The following NEIL1 variants were observed in gnomAD, a reference collection of about 807,000 sequenced individuals.
The protein encoded by NEIL1 is endonuclease 8-like 1.
Under a neutral mutation model 44.2 loss-of-function variants are expected in NEIL1, and 31 were observed. The observed-to-expected ratio is 0.70, with a 90% confidence interval of 0.53 to 0.95. The LOEUF (loss-of-function observed/expected upper bound fraction) is 0.95. Among genes scored for constraint, NEIL1 ranks in the 40% least tolerant of loss-of-function variants. The pLI is 0.00. For missense variants in NEIL1, 549 were observed against 515.5 expected (o/e 1.07, Z -0.63); for synonymous variants, 254 against 209.7 (o/e 1.21, Z -1.83).
At position 75,347,123 on chromosome 15, in the gene NEIL1, C is replaced by T. The variant is rs2141305714; in HGVS notation, c.-373C>T. The T allele has an allele frequency of 1.3e-5, 2 of 152,470 alleles. No homozygotes were observed. Among genetic ancestry groups the T allele is most frequent in the South Asian group, 4.1e-4 (2 of 4,834 alleles). 9.4% of individuals were successfully genotyped at this position (152,470 alleles called of 1,614,324 possible). A position where few individuals can be genotyped will look rare whatever the true frequency, so the allele number is the denominator to read the frequency against. On this transcript the variant is annotated 5_prime_UTR_variant, in exon 1 of 10. Coordinates refer to ENST00000355059, the MANE Select transcript of NEIL1 (RefSeq NM_024608.4). ...AGAACCATCTCAAGTGGGTCTACCT[C>T]CTCGCCTTTTTTTGTTGTTGTTGTT...
intron 2 of NEIL1, among the ~76,000 whole-genome samples, chr15:75,350,973 A>G (rs1241552271): frequency 6.6e-6 from 1 of 152,152 alleles, no homozygotes; most frequent in Non-Finnish European, 1.5e-5. Context: ...GCAAAGAAAC[A>G]AGATGCACAT....
rs5745911 is a variant in NEIL1, at chr15:75,350,038, G to A, written c.434+699G>A. ...GAATTGTTTCAAGGGGATGGGGAGGGGACTATCTCATGACATGGCTTCCGC... is the reference window on the plus strand; with the variant it reads ...GAATTGTTTCAAGGGGATGGGGAGGAGACTATCTCATGACATGGCTTCCGC... On this transcript the variant is annotated intron_variant, in intron 2 of 9. Transcript: ENST00000355059. Among the ~76,000 whole-genome samples, 15 of 152,328 alleles carry A rather than the reference G, an allele frequency of 9.8e-5. No individual in the cohort carries two copies. The East Asian group carries it at 2.5e-3, about 25-fold the overall frequency.
rs548427660 is a variant in NEIL1, at chr15:75,352,083, C to G, written c.435-28C>G. The G allele has an allele frequency of 5.6e-6, 9 of 1,613,108 alleles. No homozygotes were observed. The South Asian group carries it at 9.9e-5, about 18-fold the overall frequency. On this transcript the variant is annotated intron_variant, in intron 2 of 9. Coordinates refer to ENST00000355059, the MANE Select transcript of NEIL1 (RefSeq NM_024608.4). ...CATCCCATGGAGGGTGGGGATGGGT[C>G]TTACGCACCCAGACCGTGTTCCTCC...
In NEIL1 at chr15:75,356,491, C is replaced by A. The variant is rs377601252; in HGVS notation, c.*1457C>A. 6.4e-7 allele frequency: 1 copy of A among 1,568,728 alleles called. No homozygotes were observed. The highest frequency in any genetic ancestry group is 8.6e-7 in the Non-Finnish European group (1 of 1,158,692). ...AAACAATGCTGGTGGAGAATGGGGG[C>A]TACCCTCCCCTGTCCCTAGAAGGGG... On this transcript the variant is annotated 3_prime_UTR_variant, in exon 10 of 10. Transcript: ENST00000355059. The surrounding 1 kb of genome is among the most constrained non-coding windows in gnomAD (Gnocchi z 5.8).
In NEIL1 at chr15:75,348,978, G is replaced by A; in HGVS notation, c.73G>A (p.Gly25Ser). 6.2e-7 allele frequency: 1 copy of A among 1,613,054 alleles called. No homozygotes were observed. Among genetic ancestry groups the A allele is most frequent in the Non-Finnish European group, 8.5e-7 (1 of 1,179,498 alleles). The change falls in exon 2 of 10, where the codon GGC becomes AGC. Residue 25 changes from glycine to serine, a missense_variant. Transcript: ENST00000355059. ...NEACRALVFG[G>S]CVEKSSVSRN... ...GGCCTGCAGGGCGCTGGTGTTCGGC[G>A]GCTGCGTGGAGAAGTCCTCTGTCAG... is the stretch of plus-strand genomic sequence containing the variant.
Position 75,348,870 on chromosome 15 carries a change from T to A in NEIL1, c.-22-14T>A. 3.1e-6 allele frequency: 5 copies of A among 1,598,700 alleles called. No individual in the cohort carries two copies. The highest frequency in any genetic ancestry group is 4.3e-6 in the Non-Finnish European group (5 of 1,173,882). ...TCCACACCGGGCTCAACCCGCTGCC[T>A]TCCTCCCCAACAGGACTCTGCCACC... On this transcript the variant is annotated splice_polypyrimidine_tract_variant and intron_variant, in intron 1 of 9. Coordinates refer to ENST00000355059, the MANE Select transcript of NEIL1 (RefSeq NM_024608.4).
chr15:75,352,721 CA>C lies in NEIL1; in HGVS notation c.718+22del. 6.3e-7 allele frequency: 1 copy of C among 1,578,346 alleles called. No individual in the cohort carries two copies. Among genetic ancestry groups the C allele is most frequent in the Non-Finnish European group, 8.7e-7 (1 of 1,154,156 alleles). On this transcript the variant is annotated intron_variant, in intron 5 of 9. Coordinates refer to ENST00000355059, the MANE Select transcript of NEIL1 (RefSeq NM_024608.4). ...AGTTGGGTGAGGCCAAAGATGGCAG[CA>C]ACCTCTGCTTCAGCAAATGATTGTG...
chr15:75,348,955 C>T lies in NEIL1; in HGVS notation c.50C>T (p.Ala17Val), dbSNP rs780665919. 1 of 1,613,466 alleles carries T rather than the reference C, an allele frequency of 6.2e-7. No homozygotes were observed. Residue 17 changes from alanine (A) to valine (V), a missense_variant, in exon 2 of 10, where the codon GCC (alanine) becomes GTC (valine). By Grantham distance (64) the Ala-to-Val change is moderately conservative. Transcript: ENST00000355059. The stretch of plus-strand genomic sequence containing the variant: ...CTGGCCAGCCAGTTTGTGAATGAGG[C>T]CTGCAGGGCGCTGGTGTTCGGCGGC... The part of the protein sequence containing the change: ...LHLASQFVNE[A>V]CRALVFGGCV...
Position 75,347,863 on chromosome 15 carries a change from AC to A in NEIL1, c.-23+391del, listed in dbSNP as rs1266051467. 31 of 1,193,188 alleles carry A rather than the reference AC, an allele frequency of 2.6e-5. No homozygotes were observed. The Middle Eastern group carries it at 9.7e-4, about 37-fold the overall frequency. 73.9% of individuals were successfully genotyped at this position (1,193,188 alleles called of 1,614,324 possible). ...TTGGAGCCTCACGTTCTCCCGCAAA[AC>A]GAGCCCTGTGGGTGCCAGGCCAGGG... On this transcript the variant is annotated intron_variant, in intron 1 of 9. Transcript: ENST00000355059.
At chr15:75,350,666 CCT>C (rs1255811642) in intron 2 of NEIL1, among the ~76,000 whole-genome samples, 5 of 152,138 alleles carry the variant, frequency 3.3e-5, no homozygotes, top group African/African-American at 9.7e-5. Flanking sequence ...CTGGCCTTCC[CCT>C]GTGTGAACTC....
Position 75,353,766 on chromosome 15 carries a change from G to C in NEIL1, c.746G>C (p.Gly249Ala). Residue 249 changes from glycine to alanine, a missense_variant, in exon 6 of 10, where the codon GGG becomes GCG. By Grantham distance (60) the Gly-to-Ala change is moderately conservative. Coordinates refer to ENST00000355059, the MANE Select transcript of NEIL1 (RefSeq NM_024608.4). ...GGCAAAGGCTACGGGTCAGAGAGCG[G>C]GGAGGAGGACTTTGCTGCCTTTCGA... ...LGGKGYGSES[G>A]EEDFAAFRAW... 2 of 1,614,178 alleles carry C rather than the reference G, an allele frequency of 1.2e-6. No homozygotes were observed. Among genetic ancestry groups the C allele is most frequent in the Non-Finnish European group, 1.7e-6 (2 of 1,180,018 alleles).
At chr15:75,348,626 G>A in intron 1 of NEIL1, 1 of 1,359,136 alleles carries the variant, frequency 7.4e-7, no homozygotes, top group South Asian at 1.8e-5. Flanking sequence ...TAAACGCGGT[G>A]GAAGCCCATG....
At position 75,349,079 on chromosome 15, in the gene NEIL1, G is replaced by A. The variant is rs771695046; in HGVS notation, c.174G>A (p.Leu58=). 1.2e-6 allele frequency: 2 copies of A among 1,613,002 alleles called. No homozygotes were observed. Among genetic ancestry groups the A allele is most frequent in the Non-Finnish European group, 1.7e-6 (2 of 1,179,968 alleles). The part of the protein sequence containing the change: ...SASARGKELR[L]ILSPLPGAQP... Reference sequence around the variant, plus strand: ...CAGCCCGCGGCAAGGAGCTGCGCCTGATACTGAGCCCTCTGCCTGGGGCCC... The same window carrying A: ...CAGCCCGCGGCAAGGAGCTGCGCCTAATACTGAGCCCTCTGCCTGGGGCCC... The change falls in exon 2 of 10, where the codon CTG becomes CTA. Residue 58 remains leucine (L), a synonymous_variant. Coordinates refer to ENST00000355059, the MANE Select transcript of NEIL1 (RefSeq NM_024608.4).
chr15:75,349,231 G>C lies in NEIL1; in HGVS notation c.326G>C (p.Arg109Pro). ...TTTTACACGGCCCCGCCTGGCCCCC[G>C]GCTCGCCCTATGTTTCGTGGACATC... Reference protein sequence around the residue: ...LRFYTAPPGPRLALCFVDIRR... With the variant: ...LRFYTAPPGPPLALCFVDIRR... The change falls in exon 2 of 10, where the codon CGG becomes CCG. Residue 109 changes from arginine to proline, a missense_variant. By Grantham distance (103) the Arg-to-Pro change is moderately radical. Transcript: ENST00000355059. 1 of 1,610,274 alleles carries C rather than the reference G, an allele frequency of 6.2e-7. No individual in the cohort carries two copies.
In NEIL1 at chr15:75,349,312, G is replaced by A; in HGVS notation, c.407G>A (p.Cys136Tyr). 1 of 1,609,428 alleles carries A rather than the reference G, an allele frequency of 6.2e-7. No homozygotes were observed. Among genetic ancestry groups the A allele is most frequent in the Non-Finnish European group, 8.5e-7 (1 of 1,178,244 alleles). ...AAGTGGCAGCCGGGCCGCGGGCCCT[G>A]TGTCTTGCAGGAGTACCAGCAGTTC... ...GGKWQPGRGPCVLQEYQQFRE... is the reference protein window; with the variant it reads ...GGKWQPGRGPYVLQEYQQFRE... Residue 136 changes from cysteine (C) to tyrosine (Y), a missense_variant, in exon 2 of 10, where the codon TGT becomes TAT. Coordinates refer to ENST00000355059, the MANE Select transcript of NEIL1 (RefSeq NM_024608.4).
At chr15:75,349,487 G>A (rs1238102217) in intron 2 of NEIL1, 148 bp downstream of exon 2, 4 of 771,748 alleles carry the variant, frequency 5.2e-6, no homozygotes, top group Non-Finnish European at 6.1e-6. Flanking sequence ...CCTGTCCTGG[G>A]TCAGCTCCCT....
intron 8 of NEIL1, 68 bp downstream of exon 8, chr15:75,354,560 C>T: frequency 6.2e-7 from 1 of 1,612,816 alleles, no homozygotes; most frequent in Non-Finnish European, 8.5e-7. Context: ...CAGGCAGCTG[C>T]CTTACCCTAA....
Position 75,355,874 on chromosome 15 carries a change from C to G in NEIL1, c.*840C>G. 6.2e-7 allele frequency: 1 copy of G among 1,613,594 alleles called. No individual in the cohort carries two copies. Among genetic ancestry groups the G allele is most frequent in the Non-Finnish European group, 8.5e-7 (1 of 1,179,742 alleles). ...AAGCAGAAATTAGGAGTCCCCAGAG[C>G]CTTCTACAAACAAAACCCCAGCCCC... On this transcript the variant is annotated 3_prime_UTR_variant, in exon 10 of 10. Transcript: ENST00000355059.
rs772698482 is a variant in NEIL1 at position 75,353,773 on chromosome 15, G to C, written c.753G>C (p.Glu251Asp). 2 of 1,614,164 alleles carry C rather than the reference G, an allele frequency of 1.2e-6. No individual in the cohort carries two copies. The highest frequency in any genetic ancestry group is 1.7e-6 in the Non-Finnish European group (2 of 1,180,014). Reference sequence around the variant, plus strand: ...GCTACGGGTCAGAGAGCGGGGAGGAGGACTTTGCTGCCTTTCGAGCCTGGC... The same window carrying C: ...GCTACGGGTCAGAGAGCGGGGAGGACGACTTTGCTGCCTTTCGAGCCTGGC... Reference protein sequence around the residue: ...GKGYGSESGEEDFAAFRAWLR... With the variant: ...GKGYGSESGEDDFAAFRAWLR... The change falls in exon 6 of 10, where the codon GAG becomes GAC. Residue 251 changes from glutamate to aspartate, a missense_variant. Transcript: ENST00000355059.
Sources: allele counts gnomAD v4.1 joint callset (sites outside exome capture counted in the v4.1 genomes callset), GRCh38; gene constraint gnomAD v4.1.1; non-coding constraint Gnocchi (gnomAD v3.1); transcripts MANE v1.5; gene names NCBI Gene and HGNC (gene_info 2026-07-23, HGNC 2026-07-21).